Variants in TTC39C observed in about 807,000 individuals in gnomAD.
The protein encoded by TTC39C is tetratricopeptide repeat domain 39C.
A neutral mutation model predicts 76.3 loss-of-function variants in TTC39C; 33 were observed. That is an observed-to-expected ratio of 0.43 (90% CI 0.33 to 0.58). TTC39C has a LOEUF of 0.58. Among genes scored for constraint, TTC39C ranks in the 20% least tolerant of loss-of-function variants. The pLI is 0.04. For synonymous variants in TTC39C, 254 were observed against 260.6 expected, an observed-to-expected ratio of 0.97 and a Z score of 0.24; for missense variants, 595 against 701.4, an observed-to-expected ratio of 0.85 and a Z score of 1.71.
intron 6 of TTC39C, among the ~76,000 whole-genome samples, chr18:24,106,217 A>G (rs890341690): frequency 2.0e-5 from 3 of 152,118 alleles, no homozygotes; most frequent in African/African-American, 7.2e-5. Flanking sequence ...TCCAGTGCCA[A>G]TTAGTGTCTC....
intron 9 of TTC39C, 181 bp downstream of exon 9, chr18:24,124,124 C>G: frequency 2.2e-6 from 1 of 450,762 alleles, no homozygotes; most frequent in Non-Finnish European, 3.9e-6. Flanking sequence ...ATAGAAGATT[C>G]TTGCCTTGCT....
chr18:24,035,591 A>T (rs1285166024), intron 1 of TTC39C, among the ~76,000 whole-genome samples: 4 of 152,294 alleles, frequency 2.6e-5, no homozygotes, highest in African/African-American at 9.6e-5. Context: ...AGAAATGTTT[A>T]TTCAAGTCCT....
At chr18:24,099,548 ATATG>A (rs1171336272) in intron 6 of TTC39C, among the ~76,000 whole-genome samples, 9 of 152,040 alleles carry the variant, frequency 5.9e-5, no homozygotes, top group African/African-American at 1.9e-4. Context: ...ATTAATATAT[ATATG>A]TATGTATTTA....
At chr18:24,089,877 T>G (rs912018489) in intron 6 of TTC39C, among the ~76,000 whole-genome samples, 2 of 152,110 alleles carry the variant, frequency 1.3e-5, no homozygotes, top group Admixed American at 1.3e-4. Context: ...TTGCTACAGG[T>G]GACAAGGAGA....
chr18:24,131,788 G>T (rs1316540894), intron 12 of TTC39C, 94 bp from the exon 13 acceptor site: 11 of 993,138 alleles, frequency 1.1e-5, no homozygotes, highest in Non-Finnish European at 1.7e-5. Flanking sequence ...TGTCTACAGT[G>T]AATTGTTTTA....
chr18:24,069,508 T>G (rs1408426778), intron 4 of TTC39C, among the ~76,000 whole-genome samples: 1 of 152,226 alleles, frequency 6.6e-6, no homozygotes, highest in Non-Finnish European at 1.5e-5. Context: ...TCTGTCATAC[T>G]GACAGAAATT....
In TTC39C at chr18:24,045,892, AATATATATATATAT is replaced by A. The variant is rs1212560698; in HGVS notation, c.168-18225_168-18212del. Among the ~76,000 whole-genome samples, 461 of 61,176 alleles carry A rather than the reference AATATATATATATAT, an allele frequency of 7.5e-3. 7 individuals carry two copies. The highest frequency in any genetic ancestry group is 0.026 in the African/African-American group (288 of 11,180). 40.1% of individuals were successfully genotyped at this position (61,176 alleles called of 152,430 possible). A position where few individuals can be genotyped will look rare whatever the true frequency, so the allele number is the denominator to read the frequency against. ...ATTTTAGGGTACTTCCTTCTGTGAA[AATATATATATATAT>A]ATATATATATATATATATATATTTT... On this transcript the variant is annotated intron_variant, in intron 1 of 13. Transcript: ENST00000317571.
chr18:24,092,123 A>AAAAAAAAAAAAAAAAAAAAAAAAATAAT (rs1555775346), intron 6 of TTC39C, among the ~76,000 whole-genome samples: 1 of 50,536 alleles, frequency 2.0e-5, no homozygotes, highest in Non-Finnish European at 4.6e-5. Flanking sequence ...AAAAAAAAAA[A>AAAAAAAAAAAAAAAAAAAAAAAAATAAT]AATAATAATA....
intron 1 of TTC39C, among the ~76,000 whole-genome samples, chr18:24,047,358 G>A (rs947712886): frequency 6.6e-6 from 1 of 152,100 alleles, no homozygotes; most frequent in Admixed American, 6.5e-5. Flanking sequence ...CTCCCAAGGT[G>A]CTGGGATTAC....
At chr18:24,112,135 T>C (rs1025642719) in intron 6 of TTC39C, among the ~76,000 whole-genome samples, 4 of 152,208 alleles carry the variant, frequency 2.6e-5, no homozygotes, top group Non-Finnish European at 4.4e-5. Flanking sequence ...TCTTCCAGCC[T>C]CTGGTGGCTG....
At chr18:24,015,281 C>G in intron 1 of TTC39C, 1 of 388,428 alleles carries the variant, frequency 2.6e-6, no homozygotes, top group Non-Finnish European at 4.6e-6. Context: ...GCCCGCCCCG[C>G]GCGCCCGCAG....
At chr18:24,021,126 T>C (rs1852481924) in intron 1 of TTC39C, among the ~76,000 whole-genome samples, 2 of 152,178 alleles carry the variant, frequency 1.3e-5, no homozygotes, top group Non-Finnish European at 2.9e-5. Context: ...TACGAAGGAC[T>C]CAGGGAGAAG....
In TTC39C at chr18:24,015,692, A is replaced by T. The variant is rs538422075; in HGVS notation, c.167+654A>T. ...TTTCAAGCAGGCGTTATTTATTAAG[A>T]ATTTTTCCAACGTAAATAAAGGAAG... On this transcript the variant is annotated intron_variant, in intron 1 of 13. Transcript: ENST00000317571. 2.0e-5 allele frequency among the ~76,000 whole-genome samples: 3 copies of T among 152,190 alleles called. No homozygotes were observed. In the South Asian group the frequency reaches 6.2e-4, roughly 31 times the overall value.
At chr18:24,066,199 G>A in intron 3 of TTC39C, 59 bp downstream of exon 3, 2 of 1,535,432 alleles carry the variant, frequency 1.3e-6, no homozygotes, top group Non-Finnish European at 1.7e-6. Flanking sequence ...TATCACTTTT[G>A]TTCATTTAGA....
rs182522157 is a variant in TTC39C, at chr18:24,133,809, T to G, written c.*1235T>G. 1.2e-4 allele frequency: 18 copies of G among 152,336 alleles called. No homozygotes were observed. The East Asian group carries it at 3.5e-3, about 29-fold the overall frequency. The allele number at this position is 152,336 out of a possible 1,614,324, so 9.4% of individuals were successfully genotyped here. A position where few individuals can be genotyped will look rare whatever the true frequency, so the allele number is the denominator to read the frequency against. ...TCTCTGCCATAATTTGGCTCAATGT[T>G]TAAGGTTAGATTTTTAAAGAAATTT... On this transcript the variant is annotated 3_prime_UTR_variant, in exon 14 of 14. Transcript: ENST00000317571.
intron 1 of TTC39C, among the ~76,000 whole-genome samples, chr18:24,053,805 C>T (rs750336612): frequency 2.0e-5 from 3 of 152,170 alleles, no homozygotes; most frequent in African/African-American, 4.8e-5. Context: ...CTGACTTTTA[C>T]GTGTTCAAAG....
intron 1 of TTC39C, among the ~76,000 whole-genome samples, chr18:24,052,372 T>C (rs536980171): frequency 6.6e-6 from 1 of 152,272 alleles, no homozygotes; most frequent in African/African-American, 2.4e-5. Flanking sequence ...GCTGTGTACT[T>C]GGTGTTCAGC....
intron 1 of TTC39C, among the ~76,000 whole-genome samples, chr18:24,041,128 T>C (rs1054104737): frequency 6.6e-6 from 1 of 152,200 alleles, no homozygotes; most frequent in African/African-American, 2.4e-5. Context: ...GATTTACATG[T>C]CATTTCATAA....
At chr18:24,114,732 T>A in intron 7 of TTC39C, 85 bp downstream of exon 7, 1 of 1,028,486 alleles carries the variant, frequency 9.7e-7, no homozygotes, top group Non-Finnish European at 1.5e-6. Context: ...AGTGTGTGTC[T>A]ACAAAATGCT....
Sources: gnomAD v4.1 joint callset for allele counts (sites outside exome capture counted in the v4.1 genomes callset) on GRCh38, gnomAD v4.1.1 for gene constraint, MANE v1.5 for transcripts, NCBI Gene and HGNC (gene_info 2026-07-23, HGNC 2026-07-21) for gene names.